Variants in RNF212B observed in about 807,000 individuals in gnomAD.
RNF212B encodes the protein ring finger protein 212B, also known as E3 ubiquitin-protein ligase RNF212B.
A neutral mutation model predicts 55.5 loss-of-function variants in RNF212B; 52 were observed. The observed-to-expected ratio is 0.94, with a 90% confidence interval of 0.75 to 1.18. RNF212B has a LOEUF of 1.18. Ranked by LOEUF, RNF212B falls within the 50% of genes most tolerant of loss-of-function variation. The pLI is 0.00. For synonymous variants in RNF212B, 99 were observed against 121.4 expected, an observed-to-expected ratio of 0.82 and a Z score of 1.21; for missense variants, 289 against 350.4, an observed-to-expected ratio of 0.82 and a Z score of 1.40.
At chr14:23,213,167 G>A (rs1440127915) in intron 2 of RNF212B, among the ~76,000 whole-genome samples, 1 of 151,920 alleles carries the variant, frequency 6.6e-6, no homozygotes, top group East Asian at 1.9e-4. Context: ...CAAAAAATTA[G>A]CCGGGCGTGG....
intron 14 of RNF212B, among the ~76,000 whole-genome samples, chr14:23,271,161 G>A (rs962759282): frequency 2.0e-5 from 3 of 151,964 alleles, no homozygotes; most frequent in African/African-American, 7.3e-5. Context: ...AAAAGTCACC[G>A]GGGGCGGTGG....
chr14:23,233,562 C>CAAAAAAAAAA (rs35654046), upstream of RNF212B, among the ~76,000 whole-genome samples: 8 of 58,378 alleles, frequency 1.4e-4, no homozygotes, highest in African/African-American at 2.8e-4. Context: ...CCCATCTCTA[C>CAAAAAAAAAA]AAAAAAAAAA....
chr14:23,220,830 A>AG (rs936098107), intron 2 of RNF212B, among the ~76,000 whole-genome samples: 2 of 152,142 alleles, frequency 1.3e-5, no homozygotes, highest in African/African-American at 4.8e-5. Flanking sequence ...ATCAAAAAAA[A>AG]CAAAACAAAA....
chr14:23,270,718 C>A, intron 14 of RNF212B, 57 bp downstream of exon 14: 1 of 1,146,560 alleles, frequency 8.7e-7, no homozygotes, highest in East Asian at 2.6e-5. Context: ...GTTAGGCCTG[C>A]ACACTAAATG....
intron 2 of RNF212B, among the ~76,000 whole-genome samples, chr14:23,194,103 A>G (rs372706677): frequency 1.8e-4 from 27 of 152,294 alleles, no homozygotes; most frequent in African/African-American, 6.5e-4. Context: ...CGGCCTCCCA[A>G]AGTGCTGGGT....
chr14:23,189,751 T>A (rs1406289991), intron 1 of RNF212B, among the ~76,000 whole-genome samples: 3 of 152,130 alleles, frequency 2.0e-5, no homozygotes, highest in African/African-American at 7.2e-5. Context: ...GGGGCTGCAG[T>A]GAGCCATGTT....
chr14:23,207,352 C>A (rs1396233124), intron 2 of RNF212B, among the ~76,000 whole-genome samples: 3 of 152,282 alleles, frequency 2.0e-5, no homozygotes, highest in African/African-American at 4.8e-5. Context: ...GGAAAAAAAA[C>A]CTCATCTTCC....
intron 5 of RNF212B, 28 bp downstream of exon 5, chr14:23,258,692 GCTTT>G: frequency 1.2e-6 from 1 of 811,352 alleles, no homozygotes; most frequent in African/African-American, 2.7e-5. Context: ...TCCCAAGAGA[GCTTT>G]TTTTTTTTTT....
At chr14:23,254,287 A>AAAAC (rs1555318704) in intron 4 of RNF212B, among the ~76,000 whole-genome samples, 14 of 82,278 alleles carry the variant, frequency 1.7e-4, no homozygotes, top group African/African-American at 8.2e-4. Context: ...TCTTTATCTC[A>AAAAC]AAAACAAAAC....
At chr14:23,214,463 C>T (rs563241634) in intron 2 of RNF212B, among the ~76,000 whole-genome samples, 66 of 151,884 alleles carry the variant, frequency 4.3e-4, no homozygotes, top group Non-Finnish European at 8.4e-4. Context: ...CAATGTACTC[C>T]GGCCTGGGCA....
upstream of RNF212B, among the ~76,000 whole-genome samples, chr14:23,236,127 C>T (rs1883071892): frequency 6.6e-6 from 1 of 152,182 alleles, no homozygotes; most frequent in Non-Finnish European, 1.5e-5. Flanking sequence ...TTCTATTAAG[C>T]TACATAGCAA....
intron 4 of RNF212B, among the ~76,000 whole-genome samples, chr14:23,247,917 TA>T (rs1486708795): frequency 6.6e-6 from 1 of 152,188 alleles, no homozygotes; most frequent in Non-Finnish European, 1.5e-5. Flanking sequence ...TGGGCTGCTA[TA>T]ATAAAATACC....
intron 11 of RNF212B, among the ~76,000 whole-genome samples, chr14:23,268,169 G>A (rs1360286210): frequency 1.3e-5 from 2 of 152,154 alleles, no homozygotes; most frequent in Non-Finnish European, 2.9e-5. Context: ...TCCTGGTGCT[G>A]TCAAATTAAG....
chr14:23,195,279 C>T (rs1456962822), intron 2 of RNF212B, among the ~76,000 whole-genome samples: 1 of 149,328 alleles, frequency 6.7e-6, no homozygotes, highest in Non-Finnish European at 1.5e-5. Context: ...AAAAAAAAAA[C>T]CCATGAGATG....
At chr14:23,258,693 C>CTTT (rs10547691) in intron 5 of RNF212B, 29 bp downstream of exon 5, 90 of 590,826 alleles carry the variant, frequency 1.5e-4, no homozygotes, top group South Asian at 6.6e-4. Flanking sequence ...CCCAAGAGAG[C>CTTT]TTTTTTTTTT....
intron 2 of RNF212B, among the ~76,000 whole-genome samples, chr14:23,227,911 TAAAAATATAAA>T (rs1882178358): frequency 5.3e-5 from 8 of 149,798 alleles, no homozygotes; most frequent in Non-Finnish European, 1.0e-4. Flanking sequence ...TAAAAAGTTC[TAAAAATATAAA>T]AGTTTTTTAA....
intron 4 of RNF212B, among the ~76,000 whole-genome samples, chr14:23,252,099 G>A (rs915573299): frequency 3.3e-5 from 5 of 151,666 alleles, no homozygotes; most frequent in South Asian, 4.2e-4. Flanking sequence ...GTTGGGGGGC[G>A]TGGGAAGAAA....
chr14:23,208,977 C>T (rs565238359), intron 2 of RNF212B, among the ~76,000 whole-genome samples: 4 of 151,768 alleles, frequency 2.6e-5, no homozygotes, highest in South Asian at 4.2e-4. Flanking sequence ...CCGGGATGGT[C>T]TCGATCTCCT....
chr14:23,248,971 G>A (rs538219795), intron 4 of RNF212B, among the ~76,000 whole-genome samples: 108 of 152,240 alleles, frequency 7.1e-4, no homozygotes, highest in Non-Finnish European at 1.3e-3. Flanking sequence ...GTTGTAGCAT[G>A]GAAGCAGCCA....
Sources: gnomAD v4.1 joint callset for allele counts (sites outside exome capture counted in the v4.1 genomes callset) on GRCh38, gnomAD v4.1.1 for gene constraint, MANE v1.5 for transcripts, NCBI Gene and HGNC (gene_info 2026-07-23, HGNC 2026-07-21) for gene names.